Variants in PDCD6IP observed in about 807,000 individuals in gnomAD.
PDCD6IP encodes programmed cell death 6-interacting protein.
A neutral mutation model predicts 103.7 loss-of-function variants in PDCD6IP; 43 were observed. The observed-to-expected ratio is 0.41, with a 90% CI of 0.32 to 0.53. PDCD6IP has a LOEUF of 0.53. Ranked by LOEUF, PDCD6IP falls within the 20% of genes least tolerant of loss-of-function variation. PDCD6IP has a pLI of 0.16. For synonymous variants in PDCD6IP, 354 were observed against 378.7 expected, an observed-to-expected ratio of 0.93 and a Z score of 0.76; for missense variants, 871 against 1,036.7, an observed-to-expected ratio of 0.84 and a Z score of 2.20.
chr3:33,853,426 T>C (rs1697762736), intron 13 of PDCD6IP, among the ~76,000 whole-genome samples: 2 of 152,210 alleles, frequency 1.3e-5, no homozygotes, highest in South Asian at 4.1e-4. Context: ...AAAAAAATAA[T>C]GCAAAGTAAA....
intron 9 of PDCD6IP, 35 bp from the exon 10 acceptor site, chr3:33,841,862 A>G (rs758659504): frequency 1.1e-5 from 16 of 1,429,654 alleles, no homozygotes; most frequent in East Asian, 4.6e-5. Flanking sequence ...AAATTGTTTT[A>G]GACTTCAGTA....
At chr3:33,806,349 T>G (rs992671203) in intron 1 of PDCD6IP, among the ~76,000 whole-genome samples, 3 of 152,128 alleles carry the variant, frequency 2.0e-5, no homozygotes, top group African/African-American at 7.3e-5. Flanking sequence ...TTATTACTCT[T>G]TAGGAAAGGT....
At position 33,866,577 on chromosome 3, in the gene PDCD6IP, A is replaced by C. The variant is rs543981115; in HGVS notation, c.*52A>C. The stretch of plus-strand genomic sequence containing the variant: ...TCAGATCAGAGGGAAAGAAATACCA[A>C]CCCTGCAATAAGTGTACTAAACTCT... On this transcript the variant is annotated 3_prime_UTR_variant, in exon 18 of 18. Transcript: ENST00000307296. 4.3e-6 allele frequency: 6 copies of C among 1,404,288 alleles called. No homozygotes were observed. The highest frequency in any genetic ancestry group is 5.8e-6 in the Non-Finnish European group (6 of 1,029,956). The allele number at this position is 1,404,288 out of a possible 1,614,324, so 87.0% of individuals were successfully genotyped here.
chr3:33,826,458 TA>T, intron 5 of PDCD6IP, 21 bp from the exon 6 acceptor site: 1 of 1,528,866 alleles, frequency 6.5e-7, no homozygotes, highest in Non-Finnish European at 9.0e-7. Flanking sequence ...ATTTTAATTA[TA>T]ATGGTCATAT....
intron 9 of PDCD6IP, among the ~76,000 whole-genome samples, 164 bp from the exon 10 acceptor site, chr3:33,841,733 C>T (rs1206241947): frequency 4.6e-5 from 7 of 152,056 alleles, no homozygotes; most frequent in South Asian, 4.1e-4. Flanking sequence ...CCACCGCGCC[C>T]GGCCTTTGCT....
At chr3:33,826,399 C>A in intron 5 of PDCD6IP, 81 bp from the exon 6 acceptor site, 2 of 932,334 alleles carry the variant, frequency 2.1e-6, no homozygotes, top group African/African-American at 1.7e-5. Flanking sequence ...CGTGTACAAA[C>A]TTGTGACCTC....
At chr3:33,845,671 C>T (rs1225421660) in intron 12 of PDCD6IP, 83 bp downstream of exon 12, 1 of 1,046,842 alleles carries the variant, frequency 9.6e-7, no homozygotes. Flanking sequence ...CTGCCAATTT[C>T]TTATTGTCAA....
chr3:33,859,719 C>A (rs562368207), intron 15 of PDCD6IP, among the ~76,000 whole-genome samples: 1 of 152,200 alleles, frequency 6.6e-6, no homozygotes, highest in South Asian at 2.1e-4. Flanking sequence ...CATACATTGC[C>A]GTGAGAATAC....
Position 33,798,953 on chromosome 3 carries a change from GGA to G in PDCD6IP, c.209+18_209+19del. 1 of 1,516,122 alleles carries G rather than the reference GGA, an allele frequency of 6.6e-7. No individual in the cohort carries two copies. The highest frequency in any genetic ancestry group is 8.9e-7 in the Non-Finnish European group (1 of 1,123,144). 93.9% of individuals were successfully genotyped at this position (1,516,122 alleles called of 1,614,324 possible). ...CGCTCCTGAGGTGGGCGCGGGGCTG[GGA>G]GTGGGTAGGTTGTCTGCCAGCCGTC... On this transcript the variant is annotated intron_variant, in intron 1 of 17. Transcript: ENST00000307296.
chr3:33,836,304 T>C (rs1697347567), intron 8 of PDCD6IP, 38 bp downstream of exon 8: 1 of 1,194,814 alleles, frequency 8.4e-7, no homozygotes, highest in Admixed American at 1.8e-5. Context: ...ATCTCATTTT[T>C]CTCTAGTTTA....
Position 33,852,656 on chromosome 3 carries a change from C to T in PDCD6IP, c.1810C>T (p.Leu604=), listed in dbSNP as rs1221210072. 17 of 1,599,154 alleles carry T rather than the reference C, an allele frequency of 1.1e-5. No individual in the cohort carries two copies. In the Admixed American group the frequency reaches 1.1e-4, roughly 10 times the overall value. Residue 604 remains leucine, a synonymous_variant, in exon 13 of 18, where the codon CTA becomes TTA. Transcript: ENST00000307296. Reference sequence around the variant, plus strand: ...TGAAGAAGCTCTTTCTGTTACTGAACTAGATCGAGTCTATGGAGGTCTTAC... The same window carrying T: ...TGAAGAAGCTCTTTCTGTTACTGAATTAGATCGAGTCTATGGAGGTCTTAC... ...INEEALSVTE[L]DRVYGGLTTK...
chr3:33,859,105 A>G (rs1427375965), intron 15 of PDCD6IP, among the ~76,000 whole-genome samples: 4 of 152,228 alleles, frequency 2.6e-5, no homozygotes, highest in Non-Finnish European at 4.4e-5. Flanking sequence ...CAGAATAGAA[A>G]ATAGAAATAG....
In PDCD6IP at chr3:33,825,392, T is replaced by A. The variant is rs772114423; in HGVS notation, c.616+52T>A. The A allele has an allele frequency of 9.7e-6, 14 of 1,444,154 alleles. 1 individual carries two copies. In the South Asian group the frequency reaches 1.8e-4, roughly 18 times the overall value. 89.5% of individuals were successfully genotyped at this position (1,444,154 alleles called of 1,614,324 possible). ...ATGTGAAAAAAAGTGATAAGGCTTT[T>A]AAATTAAGAAAGTGATTAGAATATA... is the stretch of plus-strand genomic sequence containing the variant. On this transcript the variant is annotated intron_variant, in intron 5 of 17. Coordinates refer to ENST00000307296, the MANE Select transcript of PDCD6IP (RefSeq NM_013374.6).
chr3:33,854,064 G>A (rs758244609), intron 14 of PDCD6IP, 51 bp downstream of exon 14: 8 of 1,501,382 alleles, frequency 5.3e-6, no homozygotes, highest in South Asian at 1.4e-5. Flanking sequence ...AGATGTGAAC[G>A]CATAGTTTGG....
chr3:33,805,213 G>A lies in PDCD6IP; in HGVS notation c.209+6276G>A, dbSNP rs183440978. ...CTACTAAAAATACAAAAAGTTAGCC[G>A]GTCATGGTGGCGGGTGCCTGTAATC... On this transcript the variant is annotated intron_variant, in intron 1 of 17. Transcript: ENST00000307296. 8.8e-4 allele frequency among the ~76,000 whole-genome samples: 133 copies of A among 151,916 alleles called. 2 individuals are homozygous for A. The highest frequency in any genetic ancestry group is 2.9e-3 in the African/African-American group (122 of 41,438).
At position 33,798,636 on chromosome 3, in the gene PDCD6IP, T is replaced by C; in HGVS notation, c.-93T>C. The stretch of plus-strand genomic sequence containing the variant: ...GAGCGCAAGTCTGTCAGCCAGTCAG[T>C]CCGCCAGTCCGCCAGCCCAGTACCT... On this transcript the variant is annotated 5_prime_UTR_variant, in exon 1 of 18. Transcript: ENST00000307296. The C allele has an allele frequency of 1.7e-6, 2 of 1,211,816 alleles. No individual in the cohort carries two copies. Among genetic ancestry groups the C allele is most frequent in the South Asian group, 3.4e-5 (2 of 58,660 alleles). 75.1% of individuals were successfully genotyped at this position (1,211,816 alleles called of 1,614,324 possible).
At chr3:33,846,186 C>T (rs184277279) in intron 12 of PDCD6IP, among the ~76,000 whole-genome samples, 3 of 152,088 alleles carry the variant, frequency 2.0e-5, no homozygotes, top group Non-Finnish European at 4.4e-5. Flanking sequence ...ATAGAGGTCC[C>T]AAATCTCTGC....
intron 8 of PDCD6IP, 51 bp downstream of exon 8, chr3:33,836,317 C>T (rs974735471): frequency 9.8e-7 from 1 of 1,023,560 alleles, no homozygotes; most frequent in East Asian, 2.4e-5. Flanking sequence ...CTAGTTTACT[C>T]TGTTTTTCCT....
At chr3:33,839,092 C>T (rs1697414085) in intron 9 of PDCD6IP, among the ~76,000 whole-genome samples, 1 of 152,152 alleles carries the variant, frequency 6.6e-6, no homozygotes, top group African/African-American at 2.4e-5. Flanking sequence ...CGGGCATGAG[C>T]CACCATGCTT....
Sources: allele counts gnomAD v4.1 joint callset (sites outside exome capture counted in the v4.1 genomes callset), GRCh38; gene constraint gnomAD v4.1.1; transcripts MANE v1.5; gene names NCBI Gene and HGNC (gene_info 2026-07-23, HGNC 2026-07-21).